The following CHRM3 variants were observed in gnomAD, a reference collection of about 807,000 sequenced individuals.
CHRM3 encodes the protein cholinergic receptor muscarinic 3, also known as muscarinic acetylcholine receptor M3.
In CHRM3, 11 loss-of-function variants were observed where a neutral mutation model predicts 41.8. That is an observed-to-expected ratio of 0.26 (90% CI 0.17 to 0.44). CHRM3 has a LOEUF of 0.44. Ranked by LOEUF, CHRM3 falls within the 20% of genes least tolerant of loss-of-function variation. The pLI is 1.00. For missense variants in CHRM3, 571 were observed against 745.4 expected, an observed-to-expected ratio of 0.77 and a Z score of 2.72; for synonymous variants, 297 against 301.4, an observed-to-expected ratio of 0.99 and a Z score of 0.15.
At chr1:239,677,770 A>G (rs1285441647) in intron 4 of CHRM3, among the ~76,000 whole-genome samples, 1 of 152,240 alleles carries the variant, frequency 6.6e-6, no homozygotes, top group African/African-American at 2.4e-5. Flanking sequence ...AAGGACAGTC[A>G]TTCTATACAA....
rs187898384 is a variant in CHRM3 at position 239,801,923 on chromosome 1, G to A, written c.-146-25329G>A. ...CAGATATGCACTGAGCTCATCCTGG[G>A]ACAAGGACAGACATGCCTACTGCCT... On this transcript the variant is annotated intron_variant, in intron 5 of 6. Coordinates refer to ENST00000676153, the MANE Select transcript of CHRM3 (RefSeq NM_001375978.1). 1.9e-3 allele frequency among the ~76,000 whole-genome samples: 288 copies of A among 152,200 alleles called. 4 individuals are homozygous for A. Among genetic ancestry groups the A allele is most frequent in the Non-Finnish European group, 2.9e-4 (20 of 68,016 alleles).
intron 4 of CHRM3, among the ~76,000 whole-genome samples, chr1:239,656,266 C>T (rs559583274): frequency 1.3e-5 from 2 of 152,000 alleles, no homozygotes; most frequent in African/African-American, 2.4e-5. Flanking sequence ...ACAAGATACT[C>T]GTGTAATAAA....
chr1:239,876,456 C>G (rs966581410), intron 6 of CHRM3, among the ~76,000 whole-genome samples: 2 of 152,192 alleles, frequency 1.3e-5, no homozygotes, highest in African/African-American at 4.8e-5. Context: ...AAGGCCCTAA[C>G]TGGAACGTGG....
At chr1:239,855,798 A>G (rs1319055813) in intron 6 of CHRM3, among the ~76,000 whole-genome samples, 1 of 152,194 alleles carries the variant, frequency 6.6e-6, no homozygotes, top group Non-Finnish European at 1.5e-5. Flanking sequence ...AATAATTTAC[A>G]TTGTGATAAT....
chr1:239,602,954 C>G (rs1471653998), intron 3 of CHRM3, among the ~76,000 whole-genome samples: 3 of 152,124 alleles, frequency 2.0e-5, no homozygotes, highest in Admixed American at 6.5e-5. Context: ...TGCAACCAGT[C>G]TCCAGACCTT....
intron 4 of CHRM3, among the ~76,000 whole-genome samples, chr1:239,674,922 C>T (rs1042866374): frequency 3.9e-5 from 6 of 152,036 alleles, no homozygotes; most frequent in Non-Finnish European, 5.9e-5. Context: ...CGTGGCCATA[C>T]AGGAAATTAT....
At chr1:239,513,092 T>C (rs12136288) in intron 2 of CHRM3, among the ~76,000 whole-genome samples, 35,460 of 152,102 alleles carry the variant, frequency 0.23, 4,639 homozygotes, top group Middle Eastern at 0.39. Flanking sequence ...ATTTTGCAAG[T>C]CGGTATTGGT....
At chr1:239,890,091 C>T (rs776192631) in intron 6 of CHRM3, among the ~76,000 whole-genome samples, 3 of 151,966 alleles carry the variant, frequency 2.0e-5, no homozygotes, top group South Asian at 2.1e-4. Flanking sequence ...AAGGAGAGGT[C>T]GGGAGTTTGA....
intron 5 of CHRM3, among the ~76,000 whole-genome samples, chr1:239,739,263 G>A (rs753125050): frequency 2.0e-5 from 3 of 152,266 alleles, no homozygotes; most frequent in East Asian, 1.9e-4. Context: ...ACTTGAAAAC[G>A]GGCATGCACT....
chr1:239,731,466 C>T (rs1663958442), intron 5 of CHRM3, among the ~76,000 whole-genome samples: 1 of 151,948 alleles, frequency 6.6e-6, no homozygotes, highest in African/African-American at 2.4e-5. Flanking sequence ...ATGATCTGTT[C>T]ATAACTGAAG....
At chr1:239,752,641 T>C (rs1464728784) in intron 5 of CHRM3, among the ~76,000 whole-genome samples, 1 of 152,194 alleles carries the variant, frequency 6.6e-6, no homozygotes, top group East Asian at 1.9e-4. Flanking sequence ...GATTTACCTT[T>C]TGTTTTTCAT....
chr1:239,407,417 T>TATATAGAGAGAGAG, intron 1 of CHRM3, among the ~76,000 whole-genome samples: 4 of 134,126 alleles, frequency 3.0e-5, no homozygotes, highest in Non-Finnish European at 6.8e-5. Context: ...TATATATATA[T>TATATAGAGAGAGAG]AGAGAGAGAG....
At chr1:239,546,956 T>C (rs187655606) in intron 3 of CHRM3, among the ~76,000 whole-genome samples, 224 of 152,282 alleles carry the variant, frequency 1.5e-3, no homozygotes, top group African/African-American at 4.9e-3. Flanking sequence ...TTGTTTAAAA[T>C]GAACAACTGA....
At chr1:239,826,035 C>A (rs1364111780) in intron 5 of CHRM3, among the ~76,000 whole-genome samples, 1 of 152,116 alleles carries the variant, frequency 6.6e-6, no homozygotes, top group Non-Finnish European at 1.5e-5. Flanking sequence ...ATGCTGGTTT[C>A]TGGGAACTGG....
At chr1:239,496,667 G>A (rs1572502705) in intron 2 of CHRM3, among the ~76,000 whole-genome samples, 1 of 151,740 alleles carries the variant, frequency 6.6e-6, no homozygotes, top group East Asian at 1.9e-4. Context: ...TCTCCAACAT[G>A]GATGATATAT....
intron 1 of CHRM3, among the ~76,000 whole-genome samples, chr1:239,468,750 A>G (rs1224829849): frequency 6.6e-6 from 1 of 152,176 alleles, no homozygotes; most frequent in Non-Finnish European, 1.5e-5. Context: ...ATGACTTTAT[A>G]TCTTTTTATG....
At chr1:239,698,544 T>G (rs577586907) in intron 5 of CHRM3, among the ~76,000 whole-genome samples, 92 of 152,290 alleles carry the variant, frequency 6.0e-4, no homozygotes, top group African/African-American at 2.2e-3. Context: ...AGTAAAATAC[T>G]TAACACCGTA....
At chr1:239,779,125 ATTTG>A (rs1435986709) in intron 5 of CHRM3, among the ~76,000 whole-genome samples, 1 of 151,622 alleles carries the variant, frequency 6.6e-6, no homozygotes, top group Non-Finnish European at 1.5e-5. Context: ...TTTTTTATTT[ATTTG>A]TTTGTTTGTT....
chr1:239,757,969 C>A (rs1666381039), intron 5 of CHRM3, among the ~76,000 whole-genome samples: 1 of 152,100 alleles, frequency 6.6e-6, no homozygotes, highest in Non-Finnish European at 1.5e-5. Flanking sequence ...TTGGAAACAC[C>A]CTATGTGTGG....
Sources: allele counts gnomAD v4.1 joint callset (sites outside exome capture counted in the v4.1 genomes callset), GRCh38; gene constraint gnomAD v4.1.1; transcripts MANE v1.5; gene names NCBI Gene and HGNC (gene_info 2026-07-23, HGNC 2026-07-21).